Variants in PAQR5 observed in about 807,000 individuals in gnomAD.
The protein encoded by PAQR5 is membrane progestin receptor gamma.
A neutral mutation model predicts 34.5 loss-of-function variants in PAQR5; 20 were observed. That is an observed-to-expected ratio of 0.58 (90% CI 0.41 to 0.84). The LOEUF (loss-of-function observed/expected upper bound fraction) is 0.84. PAQR5 is among the 40% of genes least tolerant of loss of function. The probability of loss-of-function intolerance (pLI) is 0.00; values close to 1 mark genes in which losing one functional copy is unlikely to be tolerated. For missense variants in PAQR5, 378 were observed against 412.7 expected, an observed-to-expected ratio of 0.92 and a Z score of 0.73; for synonymous variants, 131 against 155.6, an observed-to-expected ratio of 0.84 and a Z score of 1.18.
rs374771352 is a variant in PAQR5 at position 69,305,776 on chromosome 15, G to A, written c.-277+6720G>A. Among the ~76,000 whole-genome samples, 8 of 152,102 alleles carry A rather than the reference G, an allele frequency of 5.3e-5. No individual in the cohort carries two copies. The East Asian group carries it at 7.7e-4, about 15-fold the overall frequency. ...GGGCACGCCTGCGCCGGCCTACCCT[G>A]GGTTTTATTTTGTTTATTCCTCCCA... On this transcript the variant is annotated intron_variant, in intron 1 of 8. Coordinates refer to ENST00000395407, the MANE Select transcript of PAQR5 (RefSeq NM_017705.4).
intron 1 of PAQR5, among the ~76,000 whole-genome samples, chr15:69,335,537 A>G: frequency 7.7e-6 from 1 of 129,300 alleles, no homozygotes; most frequent in Non-Finnish European, 1.6e-5. Flanking sequence ...GAGCCACCGC[A>G]TCCAGTTTTT....
intron 3 of PAQR5, among the ~76,000 whole-genome samples, chr15:69,361,945 G>C (rs2055245442): frequency 6.6e-6 from 1 of 151,968 alleles, no homozygotes. Context: ...GAGATCATGG[G>C]GCAGGTGGTG....
At chr15:69,328,941 G>A (rs1177145361) in intron 1 of PAQR5, among the ~76,000 whole-genome samples, 1 of 152,238 alleles carries the variant, frequency 6.6e-6, no homozygotes, top group African/African-American at 2.4e-5. Context: ...CCAGGGTGGG[G>A]CAGCCAGGCA....
At chr15:69,330,713 T>G (rs2054359561) in intron 1 of PAQR5, among the ~76,000 whole-genome samples, 2 of 152,236 alleles carry the variant, frequency 1.3e-5, no homozygotes, top group Admixed American at 6.5e-5. Flanking sequence ...TTAAAAACTC[T>G]GCTCCAGGAA....
intron 2 of PAQR5, among the ~76,000 whole-genome samples, chr15:69,341,947 T>C (rs2054655395): frequency 6.7e-6 from 1 of 148,778 alleles, no homozygotes; most frequent in South Asian, 2.2e-4. Flanking sequence ...AAAAAAACTG[T>C]TTCAGCCCCT....
At chr15:69,374,676 CAATAAT>C (rs1256677873) in intron 3 of PAQR5, among the ~76,000 whole-genome samples, 2 of 152,206 alleles carry the variant, frequency 1.3e-5, no homozygotes, top group East Asian at 3.9e-4. Flanking sequence ...GACTCTGTCT[CAATAAT>C]AATAATGATA....
chr15:69,393,074 A>T (rs557751232), intron 6 of PAQR5, among the ~76,000 whole-genome samples: 1 of 152,102 alleles, frequency 6.6e-6, no homozygotes, highest in Non-Finnish European at 1.5e-5. Context: ...TATTAGCAGC[A>T]ACTGAAGTGG....
rs1372600915 is a variant in PAQR5 at position 69,384,861 on chromosome 15, G to A, written c.364G>A (p.Ala122Thr). The stretch of plus-strand genomic sequence containing the variant: ...CATTTGCTACTTCCTGGACTATGGT[G>A]CCGTCAACCTCTTCAGCCTGGGTAT... Reference protein sequence around the residue: ...RHICYFLDYGAVNLFSLGSAI... With the variant: ...RHICYFLDYGTVNLFSLGSAI... The change falls in exon 5 of 9, where the codon GCC becomes ACC. Residue 122 changes from alanine to threonine, a missense_variant. By Grantham distance (58) the Ala-to-Thr change is moderately conservative. Coordinates refer to ENST00000395407, the MANE Select transcript of PAQR5 (RefSeq NM_017705.4). 1 of 1,613,918 alleles carries A rather than the reference G, an allele frequency of 6.2e-7. No homozygotes were observed. The highest frequency in any genetic ancestry group is 1.7e-5 in the Admixed American group (1 of 60,006).
chr15:69,375,068 G>T (rs149133305), intron 3 of PAQR5, among the ~76,000 whole-genome samples: 1 of 152,148 alleles, frequency 6.6e-6, no homozygotes, highest in Non-Finnish European at 1.5e-5. Flanking sequence ...TAACCTCACC[G>T]CTCATATTAG....
chr15:69,310,048 A>C (rs917877178), intron 1 of PAQR5, among the ~76,000 whole-genome samples: 38 of 83,316 alleles, frequency 4.6e-4, no homozygotes, highest in African/African-American at 1.5e-3. Context: ...ACTCCATATT[A>C]AAAAAAAAAC....
intron 1 of PAQR5, among the ~76,000 whole-genome samples, chr15:69,313,636 G>A (rs1414474740): frequency 6.6e-6 from 1 of 152,120 alleles, no homozygotes; most frequent in East Asian, 1.9e-4. Context: ...GTAGGAAAGG[G>A]GAAGGAAGAG....
Position 69,383,356 on chromosome 15 carries a change from AGTGGGCCTTTGTGT to A in PAQR5, c.180-1320_180-1307del, listed in dbSNP as rs2055976077. Among the ~76,000 whole-genome samples the A allele has an allele frequency of 2.2e-3, 299 of 136,960 alleles. 8 individuals are homozygous for A. Among genetic ancestry groups the A allele is most frequent in the African/African-American group, 7.8e-3 (267 of 34,446 alleles). 89.9% of individuals were successfully genotyped at this position (136,960 alleles called of 152,430 possible). On this transcript the variant is annotated intron_variant, in intron 4 of 8. Transcript: ENST00000395407. ...CCCTCCGTGCTCATGGTGGAGGGTG[AGTGGGCCTTTGTGT>A]ACATGGTGGAGGGTGACTGGCCCTC...
intron 3 of PAQR5, among the ~76,000 whole-genome samples, chr15:69,360,378 CAA>C (rs1423629990): frequency 6.6e-6 from 1 of 152,318 alleles, no homozygotes; most frequent in South Asian, 2.1e-4. Context: ...TATCCAGAAG[CAA>C]AGTCATTACT....
At chr15:69,309,293 T>C (rs2053780779) in intron 1 of PAQR5, among the ~76,000 whole-genome samples, 1 of 152,262 alleles carries the variant, frequency 6.6e-6, no homozygotes, top group East Asian at 1.9e-4. Context: ...AGAATGGTGC[T>C]GTGGAGGCCC....
intron 1 of PAQR5, among the ~76,000 whole-genome samples, chr15:69,323,786 T>C (rs2054183857): frequency 6.7e-6 from 1 of 148,582 alleles, no homozygotes; most frequent in Non-Finnish European, 1.5e-5. Flanking sequence ...ATGAACAGCC[T>C]TCTAAATCTT....
At chr15:69,369,273 C>T (rs1416596452) in intron 3 of PAQR5, among the ~76,000 whole-genome samples, 6 of 152,074 alleles carry the variant, frequency 3.9e-5, no homozygotes, top group South Asian at 2.1e-4. Flanking sequence ...TGGTGGCTCA[C>T]GCCTGTAATC....
At chr15:69,375,175 A>C (rs2055672662) in intron 3 of PAQR5, among the ~76,000 whole-genome samples, 1 of 152,174 alleles carries the variant, frequency 6.6e-6, no homozygotes, top group South Asian at 2.1e-4. Flanking sequence ...GGTGTTCAAG[A>C]TCAAGGTTTG....
At chr15:69,311,404 G>T (rs2053831771) in intron 1 of PAQR5, among the ~76,000 whole-genome samples, 1 of 152,208 alleles carries the variant, frequency 6.6e-6, no homozygotes, top group Admixed American at 6.5e-5. Context: ...GATGAGGGAA[G>T]TGAGTGGATG....
intron 1 of PAQR5, among the ~76,000 whole-genome samples, chr15:69,302,019 T>C (rs1167738827): frequency 2.0e-5 from 3 of 151,520 alleles, no homozygotes; most frequent in Admixed American, 1.3e-4. Context: ...CCCCAGTCTG[T>C]CTCTCAGCGG....
Sources: allele counts gnomAD v4.1 joint callset (sites outside exome capture counted in the v4.1 genomes callset), GRCh38; gene constraint gnomAD v4.1.1; transcripts MANE v1.5; gene names NCBI Gene and HGNC (gene_info 2026-07-23, HGNC 2026-07-21).